The following SLC17A1 variants were observed in gnomAD, a reference collection of about 807,000 sequenced individuals.
The protein encoded by SLC17A1 is solute carrier family 17 member 1.
SLC17A1 carries 51 observed loss-of-function variants against 53.5 expected under a neutral mutation model. The ratio of observed to expected loss-of-function variants is 0.95; its 90% CI spans 0.76 to 1.20. The LOEUF is 1.20. Ranked by LOEUF, SLC17A1 falls within the 50% of genes most tolerant of loss-of-function variation. The pLI is 0.00. For synonymous variants in SLC17A1, 179 were observed against 198.8 expected (o/e 0.90, Z 0.84); for missense variants, 538 against 568.2 (o/e 0.95, Z 0.54).
intron 12 of SLC17A1, among the ~76,000 whole-genome samples, chr6:25,784,728 C>T (rs1250853752): frequency 6.6e-6 from 1 of 152,108 alleles, no homozygotes; most frequent in African/African-American, 2.4e-5. Context: ...AGCCATATGG[C>T]TTTTAGAGTC....
chr6:25,819,362 A>G (rs1764468215), intron 5 of SLC17A1, 149 bp downstream of exon 5: 2 of 731,220 alleles, frequency 2.7e-6, no homozygotes, highest in African/African-American at 1.8e-5. Flanking sequence ...ATTCTATACA[A>G]TTCTCTCATC....
At chr6:25,794,389 T>C (rs1041405752) in intron 12 of SLC17A1, among the ~76,000 whole-genome samples, 2 of 152,192 alleles carry the variant, frequency 1.3e-5, no homozygotes, top group African/African-American at 4.8e-5. Context: ...TATTTCAACA[T>C]AATCAGTCTC....
At chr6:25,814,983 T>TCTCACACACACACA (rs773502408) in intron 6 of SLC17A1, among the ~76,000 whole-genome samples, 2 of 140,436 alleles carry the variant, frequency 1.4e-5, no homozygotes, top group African/African-American at 5.3e-5. Context: ...CAAGACTCTG[T>TCTCACACACACACA]CACACAAACA....
At chr6:25,726,523 G>A in the SLC17A1 span, 3 of 1,607,340 alleles carry the variant, frequency 1.9e-6, no homozygotes, top group African/African-American at 1.3e-5. Flanking sequence ...CCCTCGTCCA[G>A]ACATCTCCTC....
chr6:25,764,822 A>T, the SLC17A1 span, among the ~76,000 whole-genome samples: 2 of 152,248 alleles, frequency 1.3e-5, no homozygotes, highest in African/African-American at 4.8e-5. Context: ...GCAATTTAGC[A>T]TCAGGGGCCA....
chr6:25,745,431 C>T, the SLC17A1 span, among the ~76,000 whole-genome samples: 1 of 152,148 alleles, frequency 6.6e-6, no homozygotes, highest in Non-Finnish European at 1.5e-5. Flanking sequence ...TAACTATCTA[C>T]AAACTATACA....
the SLC17A1 span, among the ~76,000 whole-genome samples, chr6:25,728,954 G>T: frequency 6.6e-6 from 1 of 152,210 alleles, no homozygotes; most frequent in Non-Finnish European, 1.5e-5. Context: ...TGACAAATTG[G>T]GGGGAAGGGG....
the SLC17A1 span, chr6:25,771,004 A>G: frequency 1.9e-6 from 3 of 1,613,466 alleles, no homozygotes; most frequent in African/African-American, 1.3e-5. Context: ...TACGTCTTCT[A>G]TATCTTTGGT....
the SLC17A1 span, among the ~76,000 whole-genome samples, chr6:25,730,398 C>T: frequency 6.6e-6 from 1 of 151,868 alleles, no homozygotes; most frequent in Admixed American, 6.6e-5. Flanking sequence ...GTGAAATGAG[C>T]GAGGCACAGA....
At chr6:25,770,549 C>T in the SLC17A1 span, 1 of 1,268,598 alleles carries the variant, frequency 7.9e-7, no homozygotes, top group Non-Finnish European at 1.2e-6. Context: ...GAACCAAGAT[C>T]TTATATATCA....
At chr6:25,775,028 C>T in the SLC17A1 span, among the ~76,000 whole-genome samples, 2 of 152,102 alleles carry the variant, frequency 1.3e-5, no homozygotes, top group Non-Finnish European at 2.9e-5. Context: ...ATTTTAAAAA[C>T]TATATTGAAA....
At chr6:25,797,681 C>A (rs1256315554) in intron 12 of SLC17A1, among the ~76,000 whole-genome samples, 1 of 151,498 alleles carries the variant, frequency 6.6e-6, no homozygotes, top group Non-Finnish European at 1.5e-5. Flanking sequence ...CTCAATGCAA[C>A]CTCTGCCTCC....
At chr6:25,798,345 T>A (rs926070157) in intron 12 of SLC17A1, among the ~76,000 whole-genome samples, 130 of 152,194 alleles carry the variant, frequency 8.5e-4, no homozygotes, top group Non-Finnish European at 8.2e-4. Flanking sequence ...TTGAAAATCA[T>A]TTTAGTCAGG....
At chr6:25,727,499 C>T in the SLC17A1 span, among the ~76,000 whole-genome samples, 2 of 150,706 alleles carry the variant, frequency 1.3e-5, no homozygotes, top group African/African-American at 2.4e-5. Context: ...TCACGCCATT[C>T]TCCTGCCTCA....
At chr6:25,771,137 C>A in the SLC17A1 span, 1 of 765,810 alleles carries the variant, frequency 1.3e-6, no homozygotes. Flanking sequence ...TGTTCAGAGC[C>A]AACTACATTT....
At chr6:25,818,377 C>T (rs553357424) in intron 6 of SLC17A1, among the ~76,000 whole-genome samples, 60 of 152,292 alleles carry the variant, frequency 3.9e-4, no homozygotes, top group Admixed American at 1.9e-3. Context: ...GCTCCTGTAT[C>T]GCTAGCCCCA....
chr6:25,790,656 T>G (rs560793905), intron 12 of SLC17A1, among the ~76,000 whole-genome samples: 2 of 152,228 alleles, frequency 1.3e-5, no homozygotes, highest in East Asian at 3.9e-4. Context: ...TTAACAAAAC[T>G]CAATTTCTAT....
At chr6:25,758,727 T>C in the SLC17A1 span, among the ~76,000 whole-genome samples, 5 of 91,618 alleles carry the variant, frequency 5.5e-5, no homozygotes, top group East Asian at 1.3e-3. Context: ...TTTATTTATC[T>C]TTTCAAAGAA....
chr6:25,800,575 T>C (rs1763726588), intron 11 of SLC17A1, among the ~76,000 whole-genome samples: 1 of 152,176 alleles, frequency 6.6e-6, no homozygotes, highest in African/African-American at 2.4e-5. Context: ...TTGTTACTTA[T>C]ATTACCACTC....
Sources: allele counts gnomAD v4.1 joint callset (sites outside exome capture counted in the v4.1 genomes callset), GRCh38; gene constraint gnomAD v4.1.1; transcripts MANE v1.5; gene names NCBI Gene and HGNC (gene_info 2026-07-23, HGNC 2026-07-21).